PCDH15: variants seen among roughly 807,000 people sequenced by gnomAD.
PCDH15 encodes the protein protocadherin-15.
PCDH15 carries 129 observed loss-of-function variants against 178.5 expected under a neutral mutation model. The ratio of observed to expected loss-of-function variants is 0.72; its 90% confidence interval spans 0.63 to 0.84. The LOEUF (loss-of-function observed/expected upper bound fraction) is 0.84, where lower values mean the gene tolerates loss of function less well. PCDH15 is among the 40% of genes least tolerant of loss of function. The pLI is 0.00. For synonymous variants in PCDH15, 800 were observed against 732.0 expected (o/e 1.09, Z -1.50); for missense variants, 2,230 against 2,099.9 (o/e 1.06, Z -1.21).
intron 2 of PCDH15, among the ~76,000 whole-genome samples, chr10:55,463,888 AGG>A (rs58301075): frequency 0.44 from 17,477 of 39,614 alleles, 3,439 homozygotes; most frequent in East Asian, 0.67. Flanking sequence ...AGAGAAAGAG[AGG>A]GAGAGAGAGA....
In PCDH15 at chr10:53,857,209, T is replaced by C. The variant is rs1315627392; in HGVS notation, c.3772A>G (p.Thr1258Ala). The change falls in exon 28 of 38, where the codon ACT becomes GCT. Residue 1258 changes from threonine (T) to alanine (A), a missense_variant. Transcript: ENST00000644397. ...TCTTCTATCTTTTTTTCCACTAGAG[T>C]AGGAGGCACATTGGAAACAATGACT... is the stretch of plus-strand genomic sequence containing the variant. ...MQVIVSNVPP[T>A]LVEKKIEDLT... 1 of 1,610,674 alleles carries C rather than the reference T, an allele frequency of 6.2e-7. No individual in the cohort carries two copies. Among genetic ancestry groups the C allele is most frequent in the South Asian group, 1.1e-5 (1 of 90,954 alleles).
At chr10:55,209,540 G>C (rs974781108) in intron 1 of PCDH15, among the ~76,000 whole-genome samples, 2 of 151,874 alleles carry the variant, frequency 1.3e-5, no homozygotes, top group African/African-American at 4.8e-5. Flanking sequence ...GATAATGGAG[G>C]GGTGGGATAA....
chr10:53,961,374 T>C lies in PCDH15; in HGVS notation c.3009+378A>G, dbSNP rs1027968723. Among the ~76,000 whole-genome samples the C allele has an allele frequency of 2.0e-5, 3 of 152,148 alleles. No individual in the cohort carries two copies. The South Asian group carries it at 6.2e-4, about 32-fold the overall frequency. Reference sequence around the variant, plus strand: ...TTAAAAAGAAAAACAAAATGTTATATAGTAAAATACTATGAAACCACTAAA... The same window carrying C: ...TTAAAAAGAAAAACAAAATGTTATACAGTAAAATACTATGAAACCACTAAA... On this transcript the variant is annotated intron_variant, in intron 22 of 37. Coordinates refer to ENST00000644397, the MANE Select transcript of PCDH15 (RefSeq NM_001384140.1).
At chr10:54,583,136 T>C (rs2091184443) in intron 2 of PCDH15, among the ~76,000 whole-genome samples, 1 of 152,230 alleles carries the variant, frequency 6.6e-6, no homozygotes, top group South Asian at 2.1e-4. Context: ...CAGACTATAA[T>C]GTATGCACCC....
rs563388095 is a variant in PCDH15 at position 54,737,413 on chromosome 10, A to G, written c.-29+63512T>C. 3.3e-5 allele frequency among the ~76,000 whole-genome samples: 5 copies of G among 152,256 alleles called. No individual in the cohort carries two copies. In the South Asian group the frequency reaches 8.3e-4, roughly 25 times the overall value. ...TTGCTAAATAAATAAGATTTCTAAG[A>G]ATGTATAATGGAAAGGTAAGAGTGA... On this transcript the variant is annotated intron_variant, in intron 1 of 37. Transcript: ENST00000644397.
chr10:54,272,213 C>T (rs1225663815), intron 8 of PCDH15, among the ~76,000 whole-genome samples: 1 of 151,334 alleles, frequency 6.6e-6, no homozygotes, highest in Non-Finnish European at 1.5e-5. Flanking sequence ...GCATTAAAGG[C>T]ATAAGAGGTA....
chr10:55,587,802 T>C (rs1842756038), intron 2 of PCDH15, among the ~76,000 whole-genome samples: 1 of 152,152 alleles, frequency 6.6e-6, no homozygotes, highest in Non-Finnish European at 1.5e-5. Flanking sequence ...TGTTAAGAGG[T>C]CGTTTGTTAG....
At chr10:54,429,513 C>T (rs890208974) in intron 3 of PCDH15, among the ~76,000 whole-genome samples, 8 of 151,956 alleles carry the variant, frequency 5.3e-5, no homozygotes, top group African/African-American at 1.7e-4. Context: ...GGACTAAATG[C>T]TTCAATCATA....
At chr10:53,999,956 G>A (rs188684792) in intron 20 of PCDH15, among the ~76,000 whole-genome samples, 64 of 152,246 alleles carry the variant, frequency 4.2e-4, no homozygotes, top group Middle Eastern at 3.4e-3. Flanking sequence ...GGTCCACAGG[G>A]GTGCTTGTGT....
chr10:55,026,817 G>A (rs908091182), intron 2 of PCDH15, among the ~76,000 whole-genome samples: 1 of 151,928 alleles, frequency 6.6e-6, no homozygotes, highest in Admixed American at 6.6e-5. Context: ...TAGCCAGTTA[G>A]AAGAAGTTTA....
chr10:54,153,437 T>C (rs879044050), intron 13 of PCDH15, 144 bp from the exon 14 acceptor site: 3 of 827,520 alleles, frequency 3.6e-6, no homozygotes, highest in Non-Finnish European at 5.7e-6. Context: ...TTTTGTTTTT[T>C]GTTTTTTTAA....
chr10:55,212,886 T>C (rs866502311), intron 1 of PCDH15, among the ~76,000 whole-genome samples: 32 of 152,104 alleles, frequency 2.1e-4, no homozygotes, highest in African/African-American at 7.5e-4. Flanking sequence ...AAATAAATTT[T>C]TTTACTTTCC....
At chr10:54,503,917 G>T (rs769428019) in intron 3 of PCDH15, among the ~76,000 whole-genome samples, 1 of 151,988 alleles carries the variant, frequency 6.6e-6, no homozygotes, top group Non-Finnish European at 1.5e-5. Flanking sequence ...TTGTTCCCCT[G>T]ATGCCTGAGG....
intron 2 of PCDH15, among the ~76,000 whole-genome samples, chr10:54,916,054 C>T (rs1311109842): frequency 1.3e-5 from 2 of 152,074 alleles, no homozygotes; most frequent in African/African-American, 2.4e-5. Flanking sequence ...TCTCGAACTC[C>T]TGACCACCCA....
intron 3 of PCDH15, among the ~76,000 whole-genome samples, chr10:54,429,182 G>A (rs1351315202): frequency 6.6e-6 from 1 of 152,132 alleles, no homozygotes; most frequent in Non-Finnish European, 1.5e-5. Context: ...AAAAAGCGGG[G>A]GGAGATTTTC....
chr10:54,894,206 T>A (rs1168741773), intron 3 of PCDH15, among the ~76,000 whole-genome samples: 3 of 152,118 alleles, frequency 2.0e-5, no homozygotes, highest in African/African-American at 7.2e-5. Flanking sequence ...GTATTGTCAA[T>A]GGACAACAAA....
intron 23 of PCDH15, among the ~76,000 whole-genome samples, chr10:53,945,830 T>C (rs1013979825): frequency 7.5e-6 from 1 of 133,488 alleles, no homozygotes; most frequent in African/African-American, 2.8e-5. Flanking sequence ...CTGAGTAATA[T>C]TTCATTGTAT....
chr10:53,959,804 G>T lies in PCDH15; in HGVS notation c.3050C>A (p.Ser1017Tyr), dbSNP rs749456118. The change falls in exon 23 of 38, where the codon TCC becomes TAC. Residue 1017 changes from serine to tyrosine, a missense_variant. Ser to Tyr is a moderately radical substitution (Grantham distance 144, BLOSUM62 -2). Coordinates refer to ENST00000644397, the MANE Select transcript of PCDH15 (RefSeq NM_001384140.1). Reference protein sequence around the residue: ...VAFDDGEPVMSSSATVKILVL... With the variant: ...VAFDDGEPVMYSSATVKILVL... ...AAGAATCTTCACTGTGGCACTGCTG[G>T]ACATCACAGGCTCCCCATCATCAAA... 6.2e-7 allele frequency: 1 copy of T among 1,614,014 alleles called. No homozygotes were observed. Among genetic ancestry groups the T allele is most frequent in the Non-Finnish European group, 8.5e-7 (1 of 1,179,978 alleles).
At chr10:53,849,505 T>G (rs929965504) in intron 28 of PCDH15, among the ~76,000 whole-genome samples, 1 of 152,096 alleles carries the variant, frequency 6.6e-6, no homozygotes, top group African/African-American at 2.4e-5. Flanking sequence ...CAATGGAATC[T>G]TAAGAAAAAA....
Sources: allele counts gnomAD v4.1 joint callset (sites outside exome capture counted in the v4.1 genomes callset), GRCh38; gene constraint gnomAD v4.1.1; transcripts MANE v1.5; gene names NCBI Gene and HGNC (gene_info 2026-07-23, HGNC 2026-07-21).